The following BABAM2 variants were observed in gnomAD, a reference collection of about 807,000 sequenced individuals.
The protein encoded by BABAM2 is BRISC and BRCA1-A complex member 2.
BABAM2 carries 31 observed loss-of-function variants against 54.7 expected under a neutral mutation model. The ratio of observed to expected loss-of-function variants is 0.57; its 90% CI spans 0.43 to 0.77. The LOEUF (loss-of-function observed/expected upper bound fraction) is 0.77, where lower values mean the gene tolerates loss of function less well. BABAM2 is among the 30% of genes least tolerant of loss of function. The pLI, the probability that BABAM2 is intolerant of heterozygous loss-of-function variation, is 0.00. For missense variants in BABAM2, 364 were observed against 455.8 expected (o/e 0.80, Z 1.83); for synonymous variants, 167 against 162.9 (o/e 1.03, Z -0.19).
intron 6 of BABAM2, among the ~76,000 whole-genome samples, chr2:28,079,584 G>T (rs933925500): frequency 4.6e-5 from 7 of 152,028 alleles, no homozygotes; most frequent in African/African-American, 1.7e-4. Context: ...CAAATACAAT[G>T]GTCTGATCGT....
In BABAM2 at chr2:28,325,430, A is replaced by G. The variant is rs762497466; in HGVS notation, c.1089-13020A>G. ...CCTGCCAGACGTTCTGTCATCTGCC[A>G]GCCTGCATGGAACTTCCCCACACCC... On this transcript the variant is annotated intron_variant, in intron 11 of 11. Coordinates refer to ENST00000379624, the MANE Select transcript of BABAM2 (RefSeq NM_199191.3). This position sits in a 1 kb window ranked among gnomAD's most constrained non-coding sequence, Gnocchi z 4.3. Among the ~76,000 whole-genome samples, 1 of 152,220 alleles carries G rather than the reference A, an allele frequency of 6.6e-6. No individual in the cohort carries two copies. The highest frequency in any genetic ancestry group is 2.4e-5 in the African/African-American group (1 of 41,450).
At chr2:28,081,841 G>A (rs1288026531) in intron 6 of BABAM2, among the ~76,000 whole-genome samples, 2 of 152,024 alleles carry the variant, frequency 1.3e-5, no homozygotes, top group Non-Finnish European at 2.9e-5. Flanking sequence ...GACATGATAC[G>A]GATAACAAAA....
At chr2:28,035,430 C>G (rs1482426947) in intron 5 of BABAM2, among the ~76,000 whole-genome samples, 5 of 152,196 alleles carry the variant, frequency 3.3e-5, no homozygotes, top group African/African-American at 1.2e-4. Context: ...GGGACCTTCA[C>G]CTATAATCTC....
chr2:27,937,271 T>C lies in BABAM2; in HGVS notation c.205+7363T>C, dbSNP rs1269565045. Reference sequence around the variant, plus strand: ...GAATAATGACAAAAGTCTGTAAATGTTCAGTTCAGATGCAGTTTGTTTTTT... The same window carrying C: ...GAATAATGACAAAAGTCTGTAAATGCTCAGTTCAGATGCAGTTTGTTTTTT... On this transcript the variant is annotated intron_variant, in intron 3 of 11. Transcript: ENST00000379624. Among the ~76,000 whole-genome samples the C allele has an allele frequency of 2.0e-5, 3 of 152,208 alleles. No individual in the cohort carries two copies. In the East Asian group the frequency reaches 5.8e-4, roughly 29 times the overall value.
intron 7 of BABAM2, among the ~76,000 whole-genome samples, chr2:28,218,801 C>T (rs535078956): frequency 1.2e-4 from 19 of 152,202 alleles, no homozygotes; most frequent in African/African-American, 2.6e-4. Flanking sequence ...TTTCTTACTA[C>T]GTTTATTAGT....
chr2:28,328,382 T>C (rs1407268088), intron 11 of BABAM2, among the ~76,000 whole-genome samples: 1 of 152,116 alleles, frequency 6.6e-6, no homozygotes, highest in Non-Finnish European at 1.5e-5. Context: ...GCAGTGAGCC[T>C]TAGATGTTGG....
chr2:28,079,994 C>T (rs182010801), intron 6 of BABAM2, among the ~76,000 whole-genome samples: 1 of 152,164 alleles, frequency 6.6e-6, no homozygotes, highest in Admixed American at 6.5e-5. Context: ...TATATTTCTG[C>T]AGGGTTAGTA....
intron 7 of BABAM2, among the ~76,000 whole-genome samples, chr2:28,147,290 C>T (rs189009425): frequency 9.0e-4 from 137 of 152,278 alleles, no homozygotes; most frequent in Non-Finnish European, 1.5e-3. Flanking sequence ...ACAAATCATT[C>T]TTAATGTTCT....
chr2:28,021,273 G>A (rs1203804872), intron 4 of BABAM2, among the ~76,000 whole-genome samples: 1 of 152,160 alleles, frequency 6.6e-6, no homozygotes, highest in Non-Finnish European at 1.5e-5. Context: ...ATGCACCATG[G>A]AAGCAGTGTT....
intron 4 of BABAM2, among the ~76,000 whole-genome samples, chr2:28,022,500 A>G (rs960107995): frequency 1.5e-4 from 23 of 152,214 alleles, no homozygotes; most frequent in African/African-American, 5.1e-4. Flanking sequence ...CTATTATAAA[A>G]TAGTAGTGAA....
intron 10 of BABAM2, among the ~76,000 whole-genome samples, chr2:28,280,268 C>T (rs1686240735): frequency 6.6e-6 from 1 of 151,370 alleles, no homozygotes; most frequent in Admixed American, 6.6e-5. Flanking sequence ...GCCATGTTGC[C>T]CAGGCTAGTC....
intron 3 of BABAM2, among the ~76,000 whole-genome samples, chr2:27,969,530 A>G (rs982159992): frequency 6.6e-6 from 1 of 152,106 alleles, no homozygotes; most frequent in Non-Finnish European, 1.5e-5. Flanking sequence ...CTTCATTCTT[A>G]GTGTCATTCA....
chr2:27,988,188 AT>A (rs1307609008), intron 4 of BABAM2, 101 bp downstream of exon 4: 25 of 1,089,796 alleles, frequency 2.3e-5, no homozygotes, highest in Admixed American at 8.9e-5. Flanking sequence ...ACACATCTGC[AT>A]TTTTTTCCCA....
intron 7 of BABAM2, among the ~76,000 whole-genome samples, chr2:28,176,569 CA>C (rs778275011): frequency 2.6e-3 from 13 of 5,032 alleles, no homozygotes; most frequent in East Asian, 0.02. Flanking sequence ...GACTCTATCT[CA>C]AAAAAAAAAA....
chr2:28,232,625 T>G (rs1306017690), intron 7 of BABAM2, among the ~76,000 whole-genome samples: 1 of 152,222 alleles, frequency 6.6e-6, no homozygotes, highest in African/African-American at 2.4e-5. Flanking sequence ...CATGTTACTA[T>G]ACTGAATACT....
intron 10 of BABAM2, among the ~76,000 whole-genome samples, chr2:28,273,500 C>G (rs1229327067): frequency 1.3e-5 from 2 of 152,158 alleles, no homozygotes; most frequent in Admixed American, 6.5e-5. Flanking sequence ...GGGAGGATCA[C>G]TTGAGGTCAG....
At chr2:28,138,372 A>T (rs1254029156) in intron 7 of BABAM2, among the ~76,000 whole-genome samples, 1 of 152,230 alleles carries the variant, frequency 6.6e-6, no homozygotes. Context: ...TTGACACAGT[A>T]TGTTTAAAGG....
intron 4 of BABAM2, among the ~76,000 whole-genome samples, chr2:28,012,395 G>A (rs1674460955): frequency 6.6e-6 from 1 of 152,128 alleles, no homozygotes; most frequent in South Asian, 2.1e-4. Context: ...CCAAGCTGGG[G>A]CCACAAAAAT....
chr2:28,116,646 A>T (rs1033480261), intron 6 of BABAM2, among the ~76,000 whole-genome samples: 1 of 152,168 alleles, frequency 6.6e-6, no homozygotes, highest in Non-Finnish European at 1.5e-5. Flanking sequence ...CCTGGAGAGG[A>T]GAGGACAGGG....
Sources: gnomAD v4.1 joint callset for allele counts (sites outside exome capture counted in the v4.1 genomes callset) on GRCh38, gnomAD v4.1.1 for gene constraint, Gnocchi (gnomAD v3.1) non-coding constraint, MANE v1.5 for transcripts, NCBI Gene and HGNC (gene_info 2026-07-23, HGNC 2026-07-21) for gene names.